The following CFAP95 variants were observed in gnomAD, a reference collection of about 807,000 sequenced individuals.
CFAP95 encodes cilia- and flagella-associated protein 95.
chr9:69,854,512 T>C, the CFAP95 span, among the ~76,000 whole-genome samples: 55 of 152,386 alleles, frequency 3.6e-4, no homozygotes, highest in South Asian at 0.011. Flanking sequence ...ACTTTCTAGC[T>C]GATTTGCCTG....
chr9:69,837,114 T>C, the CFAP95 span, among the ~76,000 whole-genome samples: 6 of 151,912 alleles, frequency 3.9e-5, no homozygotes. Flanking sequence ...CCACATTTTC[T>C]TAATCCAGTC....
At chr9:69,879,187 T>C in the CFAP95 span, among the ~76,000 whole-genome samples, 3 of 152,346 alleles carry the variant, frequency 2.0e-5, no homozygotes, top group Admixed American at 2.0e-4. Flanking sequence ...AAGATTGTTA[T>C]ATACTTTCTT....
the CFAP95 span, among the ~76,000 whole-genome samples, chr9:69,840,060 A>G: frequency 6.7e-6 from 1 of 149,768 alleles, no homozygotes; most frequent in African/African-American, 2.5e-5. Flanking sequence ...CTGGGCAACA[A>G]AAGCAAAACT....
the CFAP95 span, among the ~76,000 whole-genome samples, chr9:69,846,055 A>G: frequency 6.6e-6 from 1 of 152,220 alleles, no homozygotes; most frequent in Non-Finnish European, 1.5e-5. Flanking sequence ...AAGCTGGGCA[A>G]TTCAGGCATT....
At chr9:69,885,243 T>G in the CFAP95 span, 8 of 152,246 alleles carry the variant, frequency 5.3e-5, no homozygotes, top group African/African-American at 1.9e-4. Flanking sequence ...ACCCTGGTTT[T>G]TCAGTATGCA....
chr9:69,890,448 T>A, the CFAP95 span, among the ~76,000 whole-genome samples: 2 of 152,230 alleles, frequency 1.3e-5, no homozygotes, highest in Admixed American at 6.5e-5. Flanking sequence ...GACACCCACA[T>A]TTAATGAATG....
chr9:69,874,810 TG>T, the CFAP95 span, among the ~76,000 whole-genome samples: 1 of 152,178 alleles, frequency 6.6e-6, no homozygotes, highest in African/African-American at 2.4e-5. Context: ...GGATGGGAGC[TG>T]TAAAGCAGAG....
the CFAP95 span, among the ~76,000 whole-genome samples, chr9:69,843,615 CTTCTTCTTCTTCTTCCT>C: frequency 2.2e-4 from 16 of 71,288 alleles, no homozygotes; most frequent in African/African-American, 1.3e-3. Context: ...TCTTCTTCTT[CTTCTTCTTCTTCTTCCT>C]CCTCCTCCTC....
the CFAP95 span, among the ~76,000 whole-genome samples, chr9:69,883,910 T>G: frequency 6.6e-5 from 10 of 152,142 alleles, no homozygotes; most frequent in African/African-American, 1.9e-4. Context: ...ATTATTTCAT[T>G]TCTTCTACTA....
chr9:69,840,698 A>G, the CFAP95 span, among the ~76,000 whole-genome samples: 1 of 152,202 alleles, frequency 6.6e-6, no homozygotes, highest in African/African-American at 2.4e-5. Context: ...ATATTTTACT[A>G]TATTTCATAC....
chr9:69,884,646 A>G, the CFAP95 span: 1 of 130,904 alleles, frequency 7.6e-6, no homozygotes, highest in Non-Finnish European at 1.6e-5. Flanking sequence ...GCCACCGAAC[A>G]TGACAAATAG....
At chr9:69,867,170 T>C in the CFAP95 span, among the ~76,000 whole-genome samples, 1 of 152,230 alleles carries the variant, frequency 6.6e-6, no homozygotes, top group African/African-American at 2.4e-5. Context: ...TTGTGTGCCT[T>C]GGCAAAGGAT....
At chr9:69,880,275 C>G in the CFAP95 span, among the ~76,000 whole-genome samples, 3 of 152,142 alleles carry the variant, frequency 2.0e-5, no homozygotes, top group Non-Finnish European at 4.4e-5. Context: ...CACCATCCCA[C>G]CTCCCCACTA....
the CFAP95 span, among the ~76,000 whole-genome samples, chr9:69,852,539 C>T: frequency 2.6e-5 from 4 of 152,200 alleles, no homozygotes; most frequent in Admixed American, 2.6e-4. Flanking sequence ...AGTGTGTCTC[C>T]TTAATTTCCA....
At chr9:69,899,022 C>T in the CFAP95 span, among the ~76,000 whole-genome samples, 4 of 152,292 alleles carry the variant, frequency 2.6e-5, no homozygotes, top group East Asian at 5.8e-4. Flanking sequence ...TGTGAAATGA[C>T]TCTTTCATTC....
At chr9:69,888,721 T>C in the CFAP95 span, among the ~76,000 whole-genome samples, 1 of 151,902 alleles carries the variant, frequency 6.6e-6, no homozygotes, top group Non-Finnish European at 1.5e-5. Flanking sequence ...ACTAAAAAAA[T>C]ACAAAAATTG....
At chr9:69,860,384 T>C in the CFAP95 span, among the ~76,000 whole-genome samples, 1 of 151,990 alleles carries the variant, frequency 6.6e-6, no homozygotes, top group African/African-American at 2.4e-5. Context: ...CCAGATCTCA[T>C]GTGAACTCTC....
chr9:69,839,948 G>A, the CFAP95 span, among the ~76,000 whole-genome samples: 1 of 151,538 alleles, frequency 6.6e-6, no homozygotes, highest in Admixed American at 6.6e-5. Context: ...ACGGTGGCGT[G>A]TGCCTGTAAT....
the CFAP95 span, among the ~76,000 whole-genome samples, chr9:69,892,034 T>C: frequency 1.3e-5 from 2 of 152,252 alleles, no homozygotes; most frequent in Non-Finnish European, 2.9e-5. Context: ...TTTGAGTTTC[T>C]ACAGAGTTTG....
Sources: allele counts gnomAD v4.1 joint callset (sites outside exome capture counted in the v4.1 genomes callset), GRCh38; gene constraint gnomAD v4.1.1; transcripts MANE v1.5; gene names NCBI Gene and HGNC (gene_info 2026-07-23, HGNC 2026-07-21).